Variants in MED10 observed in about 807,000 individuals in gnomAD.
MED10 encodes the protein mediator complex subunit 10.
In MED10, 9 loss-of-function variants were observed where a neutral mutation model predicts 17.2. The ratio of observed to expected loss-of-function variants is 0.52; its 90% CI spans 0.31 to 0.91. The LOEUF (loss-of-function observed/expected upper bound fraction) is 0.91. Ranked by LOEUF, MED10 falls within the 40% of genes least tolerant of loss-of-function variation. MED10 has a pLI of 0.04. For synonymous variants in MED10, 66 were observed against 59.8 expected, an observed-to-expected ratio of 1.10 and a Z score of -0.48; for missense variants, 129 against 164.8, an observed-to-expected ratio of 0.78 and a Z score of 1.19.
intron 3 of MED10, 142 bp from the exon 4 acceptor site, chr5:6,372,743 C>G (rs1020023376): frequency 1.6e-5 from 10 of 638,360 alleles, no homozygotes; most frequent in Admixed American, 1.3e-4. Flanking sequence ...CCACTGATCT[C>G]AGAGAGGAAA....
In MED10 at chr5:6,374,677, C is replaced by T. The variant is rs528402980; in HGVS notation, c.207-251G>A. The T allele has an allele frequency of 7.2e-5, 31 of 429,712 alleles. 1 individual carries two copies. Among genetic ancestry groups the T allele is most frequent in the East Asian group, 2.1e-4 (5 of 23,628 alleles). The allele number at this position is 429,712 out of a possible 1,614,324, so 26.6% of individuals were successfully genotyped here. Reference sequence around the variant, plus strand: ...TAATGATCACTGATAAACCCAAGCACGCTTCACAAGCCATACCACTTTACA... The same window carrying T: ...TAATGATCACTGATAAACCCAAGCATGCTTCACAAGCCATACCACTTTACA... On this transcript the variant is annotated intron_variant, in intron 2 of 3. Transcript: ENST00000255764.
At position 6,378,537 on chromosome 5, in the gene MED10, G is replaced by A. The variant is rs1738050173; in HGVS notation, c.-54C>T. The A allele has an allele frequency of 1.9e-5, 29 of 1,563,170 alleles. No homozygotes were observed. Among genetic ancestry groups the A allele is most frequent in the African/African-American group, 5.5e-5 (4 of 72,798 alleles). On this transcript the variant is annotated 5_prime_UTR_variant, in exon 1 of 4. Transcript: ENST00000255764. ...CCTCAACCAGCAGCGCCGCAGGCGT[G>A]GCCCTACGCTCCCGCTTCCTGCTTC... is the stretch of plus-strand genomic sequence containing the variant.
rs780437257 is a variant in MED10, at chr5:6,377,171, A to C, written c.201T>G (p.Val67=). The change falls in exon 2 of 4, where the codon GTT becomes GTG. Residue 67 remains valine (V), a synonymous_variant. Coordinates refer to ENST00000255764, the MANE Select transcript of MED10 (RefSeq NM_032286.3). The stretch of plus-strand genomic sequence containing the variant: ...ATATCAAGAATGTTACTTACTCAAA[A>C]ACTTCTAACGGTACAGTAATATCAT... The part of the protein sequence containing the change: ...QLHDITVPLE[V]FEYIDQGRNP... 6.2e-7 allele frequency: 1 copy of C among 1,602,492 alleles called. No individual in the cohort carries two copies. The highest frequency in any genetic ancestry group is 8.5e-7 in the Non-Finnish European group (1 of 1,172,400).
chr5:6,377,256 G>A lies in MED10; in HGVS notation c.123-7C>T. On this transcript the variant is annotated splice_polypyrimidine_tract_variant and splice_region_variant and intron_variant, in intron 1 of 3. Transcript: ENST00000255764. ...GCCAGTAACAATAAAATTCCTGGGG[G>A]AAAGGCAAACACACAGGCATCTGGT... 1.9e-6 allele frequency: 3 copies of A among 1,605,678 alleles called. No individual in the cohort carries two copies. The highest frequency in any genetic ancestry group is 2.6e-6 in the Non-Finnish European group (3 of 1,174,872).
chr5:6,374,117 A>C (rs1029572927), intron 3 of MED10, among the ~76,000 whole-genome samples: 2 of 152,242 alleles, frequency 1.3e-5, no homozygotes, highest in African/African-American at 2.4e-5. Context: ...GATTTCCTTA[A>C]GAGTAAGATT....
chr5:6,372,832 C>T (rs187400070), intron 3 of MED10, among the ~76,000 whole-genome samples: 1 of 152,352 alleles, frequency 6.6e-6, no homozygotes, highest in Admixed American at 6.5e-5. Flanking sequence ...CAGTTCTGTA[C>T]TGCCCAAAGG....
intron 1 of MED10, 32 bp from the exon 2 acceptor site, chr5:6,377,281 T>C (rs1738014794): frequency 1.3e-6 from 2 of 1,545,324 alleles, no homozygotes; most frequent in Non-Finnish European, 1.8e-6. Flanking sequence ...AGGCATCTGG[T>C]TAATTTCGCT....
chr5:6,378,442 C>T lies in MED10; in HGVS notation c.42G>A (p.Lys14=). Reference sequence around the variant, plus strand: ...CGAGCTGCCGAATGTTCTCCACGAACTTCTCCAGGTGCTCCTCTAGGTGGT... The same window carrying T: ...CGAGCTGCCGAATGTTCTCCACGAATTTCTCCAGGTGCTCCTCTAGGTGGT... ...KFDHLEEHLE[K]FVENIRQLGI... Residue 14 remains lysine, a synonymous_variant, in exon 1 of 4, where the codon AAG becomes AAA. Coordinates refer to ENST00000255764, the MANE Select transcript of MED10 (RefSeq NM_032286.3). The T allele has an allele frequency of 3.7e-6, 6 of 1,613,796 alleles. No homozygotes were observed. The highest frequency in any genetic ancestry group is 5.1e-6 in the Non-Finnish European group (6 of 1,179,908).
At chr5:6,375,275 T>C (rs1417506790) in intron 2 of MED10, among the ~76,000 whole-genome samples, 1 of 152,208 alleles carries the variant, frequency 6.6e-6, no homozygotes, top group Non-Finnish European at 1.5e-5. Flanking sequence ...AACTGAATCA[T>C]TCATTATTTA....
intron 2 of MED10, among the ~76,000 whole-genome samples, chr5:6,375,044 T>TA (rs544662905): frequency 2.4e-3 from 366 of 152,312 alleles, no homozygotes; most frequent in African/African-American, 8.5e-3. Context: ...ACCACTTTAC[T>TA]AAATACACCT....
intron 1 of MED10, 48 bp downstream of exon 1, chr5:6,378,314 C>T (rs1738043482): frequency 2.6e-6 from 4 of 1,523,228 alleles, no homozygotes; most frequent in Non-Finnish European, 2.6e-6. Context: ...GCACACGCTT[C>T]CCGGCCAGGC....
At chr5:6,372,714 C>G in intron 3 of MED10, 113 bp from the exon 4 acceptor site, 1 of 740,946 alleles carries the variant, frequency 1.3e-6, no homozygotes, top group Non-Finnish European at 2.3e-6. Flanking sequence ...TACAGGGCCA[C>G]GGGACTGACC....
At chr5:6,374,567 G>A in intron 2 of MED10, 141 bp from the exon 3 acceptor site, 1 of 628,338 alleles carries the variant, frequency 1.6e-6, no homozygotes, top group Non-Finnish European at 2.9e-6. Context: ...GTAGGAACCA[G>A]GGGAATTAAT....
chr5:6,376,320 T>C (rs1448111478), intron 2 of MED10, among the ~76,000 whole-genome samples: 1 of 152,252 alleles, frequency 6.6e-6, no homozygotes, highest in Non-Finnish European at 1.5e-5. Flanking sequence ...TCTAGTGATT[T>C]ACATTTGCAG....
At chr5:6,375,348 A>C (rs1579253862) in intron 2 of MED10, among the ~76,000 whole-genome samples, 1 of 152,360 alleles carries the variant, frequency 6.6e-6, no homozygotes, top group Middle Eastern at 3.4e-3. Flanking sequence ...GAGGCCAAAA[A>C]TATATAATCA....
rs73040190 is a variant in MED10 at position 6,372,343 on chromosome 5, C to T, written c.*160G>A. On this transcript the variant is annotated 3_prime_UTR_variant, in exon 4 of 4. Coordinates refer to ENST00000255764, the MANE Select transcript of MED10 (RefSeq NM_032286.3). ...GGGCACAGCTCCGCCTCTCCTCCAGCCCCTCGGTCCCATGAGGCCAAACAA... is the reference window on the plus strand; with the variant it reads ...GGGCACAGCTCCGCCTCTCCTCCAGTCCCTCGGTCCCATGAGGCCAAACAA... 4.6e-3 allele frequency: 2,800 copies of T among 611,312 alleles called. 65 individuals are homozygous for T. The highest frequency in any genetic ancestry group is 0.045 in the African/African-American group (2,412 of 53,994). The allele number at this position is 611,312 out of a possible 1,614,324, so 37.9% of individuals were successfully genotyped here. A position where few individuals can be genotyped will look rare whatever the true frequency, so the allele number is the denominator to read the frequency against.
chr5:6,372,544 T>C lies in MED10; in HGVS notation c.367A>G (p.Lys123Glu), dbSNP rs142798897. Residue 123 changes from lysine to glutamate, a missense_variant, in exon 4 of 4, where the codon AAG becomes GAG. Physicochemically the swap from Lys to Glu is moderately conservative, Grantham distance 56 (BLOSUM62 1). Coordinates refer to ENST00000255764, the MANE Select transcript of MED10 (RefSeq NM_032286.3). Reference sequence around the variant, plus strand: ...TCCTCCCCCCGGATGCTTCGATACTTAGCCATGTCTTCCGGAAATACTTTA... The same window carrying C: ...TCCTCCCCCCGGATGCTTCGATACTCAGCCATGTCTTCCGGAAATACTTTA... ...LSKVFPEDMA[K>E]YRSIRGEDHP... The C allele has an allele frequency of 4.3e-6, 7 of 1,614,122 alleles. No homozygotes were observed. The highest frequency in any genetic ancestry group is 5.1e-6 in the Non-Finnish European group (6 of 1,180,038).
Position 6,372,580 on chromosome 5 carries a change from G to C in MED10, c.331C>G (p.Gln111Glu), listed in dbSNP as rs539041505. ...TMKKFKSLLIQELSKVFPEDM... is the reference protein window; with the variant it reads ...TMKKFKSLLIEELSKVFPEDM... ...TCCGGAAATACTTTAGAAAGTTCTT[G>C]AATCAACAGGCTTTTAAATTTCTAC... Residue 111 changes from glutamine (Q) to glutamate (E), a missense_variant, in exon 4 of 4, where the codon CAA becomes GAA. Gln to Glu is a conservative substitution (Grantham distance 29). Transcript: ENST00000255764. 1.9e-6 allele frequency: 3 copies of C among 1,614,018 alleles called. No homozygotes were observed. In the African/African-American group the frequency reaches 4.0e-5, roughly 22 times the overall value.
At chr5:6,376,724 T>C (rs1314599745) in intron 2 of MED10, 2 of 152,466 alleles carry the variant, frequency 1.3e-5, no homozygotes, top group Non-Finnish European at 2.9e-5. Context: ...CACGGGCAGT[T>C]TGGGAACATC....
Sources: gnomAD v4.1 joint callset for allele counts (sites outside exome capture counted in the v4.1 genomes callset) on GRCh38, gnomAD v4.1.1 for gene constraint, MANE v1.5 for transcripts, NCBI Gene and HGNC (gene_info 2026-07-23, HGNC 2026-07-21) for gene names.